The following PDE10A variants were observed in gnomAD, a reference collection of about 807,000 sequenced individuals.
The protein encoded by PDE10A is phosphodiesterase 10A.
Under a neutral mutation model 97.7 loss-of-function variants are expected in PDE10A, and 39 were observed. The ratio of observed to expected loss-of-function variants is 0.40; its 90% CI spans 0.31 to 0.52. PDE10A has a LOEUF of 0.52. Ranked by LOEUF, PDE10A falls within the 20% of genes least tolerant of loss-of-function variation. The probability of loss-of-function intolerance (pLI) is 0.56; values close to 1 mark genes in which losing one functional copy is unlikely to be tolerated. For synonymous variants in PDE10A, 371 were observed against 376.8 expected (o/e 0.98, Z 0.18); for missense variants, 731 against 1,047.8 (o/e 0.70, Z 4.17).
intron 1 of PDE10A, among the ~76,000 whole-genome samples, chr6:165,812,008 A>G (rs187794838): frequency 1.6e-4 from 25 of 152,112 alleles, no homozygotes; most frequent in African/African-American, 5.8e-4. Flanking sequence ...ACACGCCACC[A>G]TGCCCGGTTA....
Position 165,767,757 on chromosome 6 carries a change from G to T in PDE10A, c.-615+219772C>A, listed in dbSNP as rs139881531. On this transcript the variant is annotated intron_variant, in intron 1 of 19. Transcript: ENST00000366882. ...TGCTGCTACGAACATTCAAATCCTC[G>T]TGTCTGTGTGAATGTATCTTCTGGA... Among the ~76,000 whole-genome samples the T allele has an allele frequency of 6.0e-4, 91 of 152,198 alleles. No homozygotes were observed. In the East Asian group the frequency reaches 0.017, roughly 29 times the overall value.
chr6:165,379,072 AC>A (rs1784783702), intron 18 of PDE10A, 121 bp downstream of exon 18: 6 of 662,446 alleles, frequency 9.1e-6, no homozygotes, highest in Middle Eastern at 3.7e-4. Context: ...AAAGTGAAAA[AC>A]ATGTAAATTT....
At chr6:165,929,724 C>G (rs920235) in intron 1 of PDE10A, among the ~76,000 whole-genome samples, 87,355 of 152,202 alleles carry the variant, frequency 0.57, 26,645 homozygotes, top group African/African-American at 0.8. Flanking sequence ...GACCGCGTCC[C>G]CACAAGAAAA....
At chr6:165,652,342 AAC>A (rs1344782767) in intron 1 of PDE10A, among the ~76,000 whole-genome samples, 1 of 149,552 alleles carries the variant, frequency 6.7e-6, no homozygotes, top group Non-Finnish European at 1.5e-5. Context: ...CTGCAGCCTC[AAC>A]CTCCCGGGCT....
intron 1 of PDE10A, among the ~76,000 whole-genome samples, chr6:165,680,657 A>G (rs909083955): frequency 7.9e-5 from 12 of 152,166 alleles, no homozygotes; most frequent in Admixed American, 2.0e-4. Flanking sequence ...TAATCCCAGC[A>G]CTTTGGGAGG....
intron 1 of PDE10A, among the ~76,000 whole-genome samples, chr6:165,679,720 G>A (rs1004785378): frequency 6.6e-6 from 1 of 152,192 alleles, no homozygotes; most frequent in Non-Finnish European, 1.5e-5. Flanking sequence ...CTCATCCATC[G>A]CTGTGATGTC....
chr6:165,638,392 G>C (rs1377492045), intron 1 of PDE10A, among the ~76,000 whole-genome samples: 2 of 148,026 alleles, frequency 1.4e-5, no homozygotes, highest in Non-Finnish European at 3.1e-5. Flanking sequence ...AAGAGACAGA[G>C]AGAGAGGGTG....
At chr6:165,589,810 A>T (rs934528941) in intron 1 of PDE10A, among the ~76,000 whole-genome samples, 1 of 152,248 alleles carries the variant, frequency 6.6e-6, no homozygotes, top group Non-Finnish European at 1.5e-5. Context: ...CAGGTTAAGT[A>T]ACAAGTTAGA....
At chr6:165,564,903 T>C (rs1784699875) in intron 1 of PDE10A, among the ~76,000 whole-genome samples, 1 of 152,204 alleles carries the variant, frequency 6.6e-6, no homozygotes, top group Admixed American at 6.5e-5. Context: ...ATAGCTAGAA[T>C]TGTGCTTATA....
intron 1 of PDE10A, among the ~76,000 whole-genome samples, chr6:165,624,182 C>T (rs1353823228): frequency 6.6e-6 from 1 of 152,218 alleles, no homozygotes; most frequent in Non-Finnish European, 1.5e-5. Context: ...AAGAACTGTC[C>T]CTCCTCTGGC....
At chr6:165,500,088 C>T (rs1780775619) in intron 2 of PDE10A, among the ~76,000 whole-genome samples, 1 of 152,166 alleles carries the variant, frequency 6.6e-6, no homozygotes. Context: ...TTCTACAATG[C>T]TGAATATGCG....
intron 1 of PDE10A, among the ~76,000 whole-genome samples, chr6:165,946,498 T>TAA (rs57063900): frequency 3.1e-5 from 4 of 128,536 alleles, no homozygotes; most frequent in African/African-American, 1.0e-4. Context: ...TATCTCAAAA[T>TAA]AAAAAAAAAA....
In PDE10A at chr6:165,655,218, T is replaced by A. The variant is rs1469762464; in HGVS notation, c.865+6729A>T. On this transcript the variant is annotated intron_variant, in intron 1 of 21. Coordinates refer to ENST00000539869, the MANE Select transcript of PDE10A (RefSeq NM_001385079.1). This position sits in a 1 kb window ranked among gnomAD's most constrained non-coding sequence, Gnocchi z 4.5. ...TATATACTGTCCTTGGGGCATCCAA[T>A]CCCATGATTTTAGATGCTGTGACTG... is the stretch of plus-strand genomic sequence containing the variant. Among the ~76,000 whole-genome samples, 1 of 151,878 alleles carries A rather than the reference T, an allele frequency of 6.6e-6. No individual in the cohort carries two copies. Among genetic ancestry groups the A allele is most frequent in the Non-Finnish European group, 1.5e-5 (1 of 67,996 alleles).
At chr6:165,815,956 CT>C (rs35107104) in intron 1 of PDE10A, among the ~76,000 whole-genome samples, 19,882 of 147,368 alleles carry the variant, frequency 0.13, 1,434 homozygotes, top group Non-Finnish European at 0.17. Context: ...TCTTTTTTAT[CT>C]TTTTTTTTTT....
chr6:165,531,700 C>T (rs1026796887), intron 2 of PDE10A, among the ~76,000 whole-genome samples: 1 of 152,084 alleles, frequency 6.6e-6, no homozygotes, highest in Non-Finnish European at 1.5e-5. Flanking sequence ...ATTTTATTAG[C>T]ATTTATGTGT....
intron 1 of PDE10A, among the ~76,000 whole-genome samples, chr6:165,682,026 C>A (rs977133806): frequency 1.3e-5 from 2 of 152,206 alleles, no homozygotes; most frequent in African/African-American, 4.8e-5. Context: ...CCCTCTAAGT[C>A]GTCCTTGTTC....
At chr6:165,470,820 G>A (rs1431756427) in intron 3 of PDE10A, among the ~76,000 whole-genome samples, 1 of 152,068 alleles carries the variant, frequency 6.6e-6, no homozygotes, top group East Asian at 1.9e-4. Flanking sequence ...TCCCCTCTCT[G>A]TCCCATTGCA....
intron 1 of PDE10A, among the ~76,000 whole-genome samples, chr6:165,690,496 G>C (rs948953604): frequency 3.3e-5 from 5 of 152,144 alleles, no homozygotes; most frequent in African/African-American, 1.2e-4. Flanking sequence ...ACTGGCCTCT[G>C]GAAATGGCAA....
At chr6:165,850,814 T>C (rs1361363756) in intron 1 of PDE10A, among the ~76,000 whole-genome samples, 1 of 152,258 alleles carries the variant, frequency 6.6e-6, no homozygotes, top group Non-Finnish European at 1.5e-5. Flanking sequence ...AAAATGTTTT[T>C]TAAAGAATCA....
Sources: allele counts gnomAD v4.1 joint callset (sites outside exome capture counted in the v4.1 genomes callset), GRCh38; gene constraint gnomAD v4.1.1; non-coding constraint Gnocchi (gnomAD v3.1); transcripts MANE v1.5; gene names NCBI Gene and HGNC (gene_info 2026-07-23, HGNC 2026-07-21).